Variants in MIER1 observed in about 807,000 individuals in gnomAD.
MIER1 encodes the protein MIER1 transcriptional regulator.
MIER1 carries 40 observed loss-of-function variants against 75.7 expected under a neutral mutation model. The observed-to-expected ratio is 0.53, with a 90% CI of 0.41 to 0.69. MIER1 has a LOEUF of 0.69. Ranked by LOEUF, MIER1 falls within the 30% of genes least tolerant of loss-of-function variation. The pLI is 0.00. For synonymous variants in MIER1, 213 were observed against 223.4 expected (o/e 0.95, Z 0.42); for missense variants, 574 against 680.2 (o/e 0.84, Z 1.74).
Position 66,985,710 on chromosome 1 carries a change from A to G in MIER1, c.*810A>G. 1 of 984,356 alleles carries G rather than the reference A, an allele frequency of 1.0e-6. No individual in the cohort carries two copies. Among genetic ancestry groups the G allele is most frequent in the Non-Finnish European group, 1.2e-6 (1 of 829,384 alleles). 61.0% of individuals were successfully genotyped at this position (984,356 alleles called of 1,614,324 possible). The stretch of plus-strand genomic sequence containing the variant: ...TGTTATTCTGAGTCTGTCAGCTTTC[A>G]TTTTATTTTGCTAAGGTTTTTCTAA... On this transcript the variant is annotated 3_prime_UTR_variant, in exon 14 of 14. Transcript: ENST00000401041.
At chr1:66,957,943 G>A (rs560818508) in intron 4 of MIER1, 116 bp from the exon 5 acceptor site, 52 of 518,204 alleles carry the variant, frequency 1.0e-4, no homozygotes, top group Admixed American at 1.5e-4. Context: ...CCGAGAATTC[G>A]TAACACAGCT....
intron 7 of MIER1, among the ~76,000 whole-genome samples, chr1:66,961,153 A>T (rs1280623539): frequency 6.6e-6 from 1 of 152,140 alleles, no homozygotes; most frequent in Non-Finnish European, 1.5e-5. Flanking sequence ...GTAAATGCAG[A>T]TTGTTTTCTT....
chr1:66,949,424 A>G (rs746663178), intron 4 of MIER1, among the ~76,000 whole-genome samples: 2 of 152,172 alleles, frequency 1.3e-5, no homozygotes, highest in Non-Finnish European at 2.9e-5. Flanking sequence ...CTTGCTTTCA[A>G]GTGACCCTGC....
At chr1:66,928,826 G>C in intron 2 of MIER1, 1 of 1,062,682 alleles carries the variant, frequency 9.4e-7, no homozygotes, top group African/African-American at 1.6e-5. Context: ...GGTAAAAATT[G>C]TTTGTAGATT....
At chr1:66,941,589 CAGAA>C (rs1289257208) in intron 3 of MIER1, among the ~76,000 whole-genome samples, 2 of 152,160 alleles carry the variant, frequency 1.3e-5, no homozygotes, top group Non-Finnish European at 2.9e-5. Context: ...AATAATTACT[CAGAA>C]AGCGATATTA....
chr1:66,981,704 C>A, intron 12 of MIER1, 75 bp from the exon 13 acceptor site: 1 of 1,145,634 alleles, frequency 8.7e-7, no homozygotes, highest in Non-Finnish European at 1.3e-6. Flanking sequence ...GTTAAGAAAG[C>A]CTTCTGAATT....
intron 4 of MIER1, 71 bp from the exon 5 acceptor site, chr1:66,957,988 T>G (rs1420440680): frequency 2.1e-6 from 2 of 937,140 alleles, no homozygotes; most frequent in Non-Finnish European, 3.2e-6. Context: ...ACTCCACAGA[T>G]TTGTGGATTA....
chr1:66,974,850 C>G (rs1287861913), intron 11 of MIER1, among the ~76,000 whole-genome samples: 1 of 152,104 alleles, frequency 6.6e-6, no homozygotes, highest in Non-Finnish European at 1.5e-5. Context: ...ATCATAAGTT[C>G]TATTTTGAGG....
chr1:66,946,233 G>A lies in MIER1; in HGVS notation c.277G>A (p.Glu93Lys). 1.2e-6 allele frequency: 2 copies of A among 1,611,002 alleles called. No homozygotes were observed. Among genetic ancestry groups the A allele is most frequent in the Non-Finnish European group, 1.7e-6 (2 of 1,179,376 alleles). ...VHDFDDERTL[E>K]EEEMMEGETN... ...TGATTTTGATGATGAACGAACATTA[G>A]AAGAGGAAGAAATGATGGAAGGAGA... is the stretch of plus-strand genomic sequence containing the variant. The change falls in exon 4 of 14, where the codon GAA becomes AAA. Residue 93 changes from glutamate to lysine, a missense_variant. This residue lies in a region of MIER1 where 309 missense variants were observed against 352.8 expected (regional missense o/e 0.88). Coordinates refer to ENST00000401041, the MANE Select transcript of MIER1 (RefSeq NM_001077700.3).
At chr1:66,969,381 A>T (rs181342473) in intron 8 of MIER1, among the ~76,000 whole-genome samples, 1 of 151,572 alleles carries the variant, frequency 6.6e-6, no homozygotes, top group African/African-American at 2.4e-5. Context: ...TCTGTCTACT[A>T]AAAAATACAA....
intron 4 of MIER1, among the ~76,000 whole-genome samples, chr1:66,949,014 T>A (rs1393893383): frequency 6.6e-6 from 1 of 152,162 alleles, no homozygotes; most frequent in East Asian, 1.9e-4. Context: ...TCAAAAACAG[T>A]TATAAGGGAA....
chr1:66,945,184 C>A (rs1657206929), intron 3 of MIER1, among the ~76,000 whole-genome samples: 1 of 151,524 alleles, frequency 6.6e-6, no homozygotes, highest in Non-Finnish European at 1.5e-5. Context: ...ATCGTGGATG[C>A]TCAAATCCCT....
chr1:66,949,209 A>G (rs1357253734), intron 4 of MIER1, among the ~76,000 whole-genome samples: 3 of 152,198 alleles, frequency 2.0e-5, no homozygotes, highest in Non-Finnish European at 2.9e-5. Flanking sequence ...ATATTAGCTA[A>G]AATACTAATT....
At chr1:66,941,426 G>T (rs577064080) in intron 3 of MIER1, among the ~76,000 whole-genome samples, 1 of 151,636 alleles carries the variant, frequency 6.6e-6, no homozygotes, top group Admixed American at 6.6e-5. Flanking sequence ...AATTATTTCC[G>T]ATTTTTTTTT....
At chr1:66,955,360 T>A (rs1390857347) in intron 4 of MIER1, among the ~76,000 whole-genome samples, 1 of 145,480 alleles carries the variant, frequency 6.9e-6, no homozygotes, top group Non-Finnish European at 1.5e-5. Flanking sequence ...TTTTTTTTTT[T>A]TTTTAATTGC....
At chr1:66,944,528 A>T (rs1199229474) in intron 3 of MIER1, among the ~76,000 whole-genome samples, 1 of 151,568 alleles carries the variant, frequency 6.6e-6, no homozygotes. Context: ...ACAAAGCTTG[A>T]CCCTATAGGG....
chr1:66,929,363 G>C (rs1652551864), intron 2 of MIER1, among the ~76,000 whole-genome samples: 2 of 152,210 alleles, frequency 1.3e-5, no homozygotes, highest in South Asian at 4.1e-4. Flanking sequence ...AGTAAAATAT[G>C]TTAGTGACTG....
intron 2 of MIER1, among the ~76,000 whole-genome samples, chr1:66,927,766 G>T (rs1291639199): frequency 6.6e-6 from 1 of 151,998 alleles, no homozygotes; most frequent in African/African-American, 2.4e-5. Context: ...TCACTGGAGG[G>T]GTTTAAACAT....
At chr1:66,939,029 C>G (rs1395212837) in intron 2 of MIER1, among the ~76,000 whole-genome samples, 2 of 152,004 alleles carry the variant, frequency 1.3e-5, no homozygotes, top group Non-Finnish European at 2.9e-5. Context: ...GCCTCTCTTC[C>G]CCATTACTTA....
Sources: allele counts gnomAD v4.1 joint callset (sites outside exome capture counted in the v4.1 genomes callset), GRCh38; gene constraint gnomAD v4.1.1; regional missense constraint gnomAD v4.1.1; transcripts MANE v1.5; gene names NCBI Gene and HGNC (gene_info 2026-07-23, HGNC 2026-07-21).